The following GABPB2 variants were observed in gnomAD, a reference collection of about 807,000 sequenced individuals.
GABPB2 encodes the protein GA-binding protein subunit beta-2.
GABPB2 carries 23 observed loss-of-function variants against 39.1 expected under a neutral mutation model. The observed-to-expected ratio is 0.59, with a 90% CI of 0.42 to 0.83. The LOEUF (loss-of-function observed/expected upper bound fraction) is 0.83. GABPB2 is among the 40% of genes least tolerant of loss of function. GABPB2 has a pLI of 0.00. For missense variants in GABPB2, 467 were observed against 541.1 expected, an observed-to-expected ratio of 0.86 and a Z score of 1.36; for synonymous variants, 184 against 199.3, an observed-to-expected ratio of 0.92 and a Z score of 0.65.
chr1:151,087,325 C>A, intron 1 of GABPB2, among the ~76,000 whole-genome samples: 1 of 152,094 alleles, frequency 6.6e-6, no homozygotes, highest in African/African-American at 2.4e-5. Context: ...TATGATTACA[C>A]GATAGTCAGA....
intron 1 of GABPB2, among the ~76,000 whole-genome samples, chr1:151,084,218 T>TTTTG (rs1283818660): frequency 3.3e-5 from 5 of 151,806 alleles, no homozygotes; most frequent in Non-Finnish European, 4.4e-5. Context: ...AGCTGTTTTT[T>TTTTG]TTTGTTTGTT....
rs1681078597 is a variant in GABPB2, at chr1:151,119,050, C to A, written c.*794C>A. ...AATAAGCTGCGTGTGGTGGCTCACACCTGTAATCCCAACACTTTGGGACGT... is the reference window on the plus strand; with the variant it reads ...AATAAGCTGCGTGTGGTGGCTCACAACTGTAATCCCAACACTTTGGGACGT... On this transcript the variant is annotated 3_prime_UTR_variant, in exon 9 of 9. Coordinates refer to ENST00000368918, the MANE Select transcript of GABPB2 (RefSeq NM_144618.3). 6.6e-6 allele frequency: 1 copy of A among 152,228 alleles called. No homozygotes were observed. The highest frequency in any genetic ancestry group is 1.5e-5 in the Non-Finnish European group (1 of 68,088). The allele number at this position is 152,228 out of a possible 1,614,324, so 9.4% of individuals were successfully genotyped here.
At chr1:151,111,431 C>CT (rs587619358) in intron 7 of GABPB2, among the ~76,000 whole-genome samples, 6,081 of 131,556 alleles carry the variant, frequency 0.046, 200 homozygotes, top group African/African-American at 0.099. Context: ...TCTTTTTTTT[C>CT]TTTTTTTTTG....
rs1301260387 is a variant in GABPB2, at chr1:151,123,025, A to G, written c.*4769A>G. On this transcript the variant is annotated 3_prime_UTR_variant, in exon 9 of 9. Coordinates refer to ENST00000368918, the MANE Select transcript of GABPB2 (RefSeq NM_144618.3). ...TAGTTAGAAATTAAATATTGAATAC[A>G]TTAATGGCAATACCATTTCATGACT... is the stretch of plus-strand genomic sequence containing the variant. 6.6e-6 allele frequency: 1 copy of G among 152,198 alleles called. No homozygotes were observed. The allele number at this position is 152,198 out of a possible 1,614,324, so 9.4% of individuals were successfully genotyped here. A position where few individuals can be genotyped will look rare whatever the true frequency, so the allele number is the denominator to read the frequency against.
chr1:151,076,052 A>G (rs1046822262), intron 1 of GABPB2, among the ~76,000 whole-genome samples: 3 of 152,196 alleles, frequency 2.0e-5, no homozygotes, highest in Non-Finnish European at 4.4e-5. Flanking sequence ...CATAACTCCA[A>G]CAAAAGGTGA....
intron 7 of GABPB2, among the ~76,000 whole-genome samples, chr1:151,107,618 G>GC (rs1368761263): frequency 2.0e-5 from 3 of 151,378 alleles, no homozygotes; most frequent in African/African-American, 7.3e-5. Flanking sequence ...CGGGTTCACC[G>GC]CGCCCGGCCC....
At chr1:151,089,206 G>T (rs1000598719) in intron 2 of GABPB2, among the ~76,000 whole-genome samples, 1 of 152,056 alleles carries the variant, frequency 6.6e-6, no homozygotes, top group African/African-American at 2.4e-5. Flanking sequence ...CTCTATTCTG[G>T]ACTGATTAAT....
At chr1:151,103,500 T>A in intron 5 of GABPB2, 62 bp from the exon 6 acceptor site, 1 of 1,101,466 alleles carries the variant, frequency 9.1e-7, no homozygotes, top group Non-Finnish European at 1.4e-6. Flanking sequence ...TAATAAGCTG[T>A]TTTTAATTTG....
chr1:151,093,525 CATT>C (rs1403708116), intron 4 of GABPB2, 139 bp downstream of exon 4: 6 of 570,770 alleles, frequency 1.1e-5, no homozygotes, highest in African/African-American at 7.6e-5. Context: ...GACTCAGTGT[CATT>C]AGTATCTTTA....
At chr1:151,115,741 TC>T (rs1435490258) in intron 7 of GABPB2, among the ~76,000 whole-genome samples, 3 of 152,148 alleles carry the variant, frequency 2.0e-5, no homozygotes, top group African/African-American at 7.2e-5. Flanking sequence ...CATTTTACAT[TC>T]CCACCAGCAA....
intron 7 of GABPB2, among the ~76,000 whole-genome samples, 198 bp downstream of exon 7, chr1:151,107,420 G>T (rs1345517172): frequency 6.6e-6 from 1 of 151,496 alleles, no homozygotes; most frequent in Non-Finnish European, 1.5e-5. Context: ...AAAATCTGTA[G>T]TAAAAACCAG....
intron 1 of GABPB2, among the ~76,000 whole-genome samples, chr1:151,071,137 G>A (rs1676672921): frequency 6.6e-6 from 1 of 151,950 alleles, no homozygotes; most frequent in Non-Finnish European, 1.5e-5. Flanking sequence ...GAGGGGACTG[G>A]AAGGAGGTGA....
chr1:151,107,549 T>C (rs1680065250), intron 7 of GABPB2, among the ~76,000 whole-genome samples: 1 of 151,654 alleles, frequency 6.6e-6, no homozygotes, highest in African/African-American at 2.4e-5. Context: ...TCACCCAGGC[T>C]GGAGTGCAGT....
intron 2 of GABPB2, among the ~76,000 whole-genome samples, chr1:151,089,747 C>T (rs192689724): frequency 1.3e-5 from 2 of 152,138 alleles, no homozygotes; most frequent in Non-Finnish European, 2.9e-5. Flanking sequence ...GCCTTGACCT[C>T]CCAAAGTGCT....
At chr1:151,072,310 G>A (rs1439142553) in intron 1 of GABPB2, among the ~76,000 whole-genome samples, 1 of 152,210 alleles carries the variant, frequency 6.6e-6, no homozygotes, top group Non-Finnish European at 1.5e-5. Flanking sequence ...ATTTTGGGAA[G>A]CTGAGGTGGG....
At position 151,090,516 on chromosome 1, in the gene GABPB2, C is replaced by T; in HGVS notation, c.219C>T (p.Thr73=). The change falls in exon 3 of 9, where the codon ACC becomes ACT. Residue 73 remains threonine, a synonymous_variant. Transcript: ENST00000368918. ...SRDARTKVDR[T]PLHMAAADGH... is the part of the protein sequence containing the mutation. Reference sequence around the variant, plus strand: ...ATGCCCGGACTAAAGTAGACAGGACCCCCTTGCACATGGCTGCAGCCGATG... The same window carrying T: ...ATGCCCGGACTAAAGTAGACAGGACTCCCTTGCACATGGCTGCAGCCGATG... The T allele has an allele frequency of 1.2e-6, 2 of 1,614,056 alleles. No individual in the cohort carries two copies. The highest frequency in any genetic ancestry group is 1.7e-6 in the Non-Finnish European group (2 of 1,179,994).
chr1:151,086,134 A>G (rs1678171050), intron 1 of GABPB2, among the ~76,000 whole-genome samples: 1 of 151,968 alleles, frequency 6.6e-6, no homozygotes, highest in Admixed American at 6.6e-5. Flanking sequence ...AGTCCCAGCT[A>G]CTCGGGAAGC....
chr1:151,118,311 A>G lies in GABPB2; in HGVS notation c.*55A>G, dbSNP rs1681043922. On this transcript the variant is annotated 3_prime_UTR_variant, in exon 9 of 9. Coordinates refer to ENST00000368918, the MANE Select transcript of GABPB2 (RefSeq NM_144618.3). ...CATATTAATCCTCTTTTAAAAAAGG[A>G]AATATACAGAAGACAAACATTGTAT... The G allele has an allele frequency of 6.8e-7, 1 of 1,469,268 alleles. No individual in the cohort carries two copies. Among genetic ancestry groups the G allele is most frequent in the Non-Finnish European group, 9.3e-7 (1 of 1,078,650 alleles). 91.0% of individuals were successfully genotyped at this position (1,469,268 alleles called of 1,614,324 possible).
At chr1:151,085,909 C>G (rs1448877257) in intron 1 of GABPB2, among the ~76,000 whole-genome samples, 1 of 151,922 alleles carries the variant, frequency 6.6e-6, no homozygotes, top group Non-Finnish European at 1.5e-5. Flanking sequence ...ATGGACAGAT[C>G]ATGCAGAATA....
Sources: allele counts gnomAD v4.1 joint callset (sites outside exome capture counted in the v4.1 genomes callset), GRCh38; gene constraint gnomAD v4.1.1; transcripts MANE v1.5; gene names NCBI Gene and HGNC (gene_info 2026-07-23, HGNC 2026-07-21).